Variants in SVEP1 observed in about 807,000 individuals in gnomAD.
The protein encoded by SVEP1 is sushi, von Willebrand factor type A, EGF and pentraxin domain containing 1, also known as sushi, von Willebrand factor type A, EGF and pentraxin domain-containing protein 1.
A neutral mutation model predicts 367.3 loss-of-function variants in SVEP1; 164 were observed. The observed-to-expected ratio is 0.45, with a 90% CI of 0.39 to 0.51. The LOEUF is 0.51. Among genes scored for constraint, SVEP1 ranks in the 20% least tolerant of loss-of-function variants. The pLI is 0.00. For synonymous variants in SVEP1, 1,666 were observed against 1,611.6 expected, an observed-to-expected ratio of 1.03 and a Z score of -0.81; for missense variants, 4,117 against 4,425.3, an observed-to-expected ratio of 0.93 and a Z score of 1.98.
At position 110,476,864 on chromosome 9, in the gene SVEP1, G is replaced by A. The variant is rs555844510; in HGVS notation, c.2488-549C>T. Among the ~76,000 whole-genome samples the A allele has an allele frequency of 7.6e-4, 116 of 152,190 alleles. 1 individual carries two copies. Among genetic ancestry groups the A allele is most frequent in the African/African-American group, 2.6e-3 (110 of 41,546 alleles). On this transcript the variant is annotated intron_variant, in intron 13 of 47. Coordinates refer to ENST00000374469, the MANE Select transcript of SVEP1 (RefSeq NM_153366.4). Reference sequence around the variant, plus strand: ...TGGAGGAAGGTCCTTCTCACTCTTCGTTGCTGTTTCCAGATCAAACTCCCT... The same window carrying A: ...TGGAGGAAGGTCCTTCTCACTCTTCATTGCTGTTTCCAGATCAAACTCCCT...
At chr9:110,529,158 G>C (rs550126747) in intron 3 of SVEP1, among the ~76,000 whole-genome samples, 9 of 151,966 alleles carry the variant, frequency 5.9e-5, no homozygotes, top group Non-Finnish European at 1.0e-4. Context: ...GTATATTTTT[G>C]TCTGCTTTGC....
rs1477234401 is a variant in SVEP1 at position 110,407,754 on chromosome 9, G to A, written c.7846C>T (p.Pro2616Ser). ...PTCMPIDCGL[P>S]PHIDFGDCTK... ...CAGTCTCCAAAATCTATATGAGGAGGGAGGCCACAGTCTATTGGCATACAT... is the reference window on the plus strand; with the variant it reads ...CAGTCTCCAAAATCTATATGAGGAGAGAGGCCACAGTCTATTGGCATACAT... The change falls in exon 38 of 48, where the codon CCT becomes TCT. Residue 2616 changes from proline to serine, a missense_variant. By Grantham distance (74) the Pro-to-Ser change is moderately conservative. Coordinates refer to ENST00000374469, the MANE Select transcript of SVEP1 (RefSeq NM_153366.4). 6.2e-7 allele frequency: 1 copy of A among 1,613,980 alleles called. No homozygotes were observed. Among genetic ancestry groups the A allele is most frequent in the Non-Finnish European group, 8.5e-7 (1 of 1,179,892 alleles).
chr9:110,525,729 A>G (rs566644698), intron 3 of SVEP1, among the ~76,000 whole-genome samples: 3 of 152,224 alleles, frequency 2.0e-5, no homozygotes, highest in African/African-American at 4.8e-5. Flanking sequence ...CAGAAGAGCA[A>G]TCCAGAAACA....
chr9:110,465,588 G>A (rs887768485), intron 18 of SVEP1, among the ~76,000 whole-genome samples: 5 of 152,122 alleles, frequency 3.3e-5, no homozygotes, highest in African/African-American at 9.7e-5. Context: ...ACCATATCAC[G>A]AAGCCACATG....
At chr9:110,538,244 C>T (rs1256966088) in intron 3 of SVEP1, among the ~76,000 whole-genome samples, 1 of 152,010 alleles carries the variant, frequency 6.6e-6, no homozygotes, top group Non-Finnish European at 1.5e-5. Context: ...GTTACAAATT[C>T]TCCAGCTTAA....
intron 1 of SVEP1, 111 bp downstream of exon 1, chr9:110,578,902 G>A: frequency 5.0e-6 from 6 of 1,205,084 alleles, no homozygotes; most frequent in Non-Finnish European, 6.9e-6. Flanking sequence ...CGCTTGACTT[G>A]GGGTGGTTAT....
chr9:110,377,485 G>A, intron 44 of SVEP1, 119 bp from the exon 45 acceptor site: 2 of 832,930 alleles, frequency 2.4e-6, no homozygotes, highest in Middle Eastern at 2.4e-4. Context: ...CAGGAAGAGA[G>A]ACAAAAATCG....
At chr9:110,508,037 C>T (rs1303239519) in intron 5 of SVEP1, among the ~76,000 whole-genome samples, 1 of 152,184 alleles carries the variant, frequency 6.6e-6, no homozygotes, top group East Asian at 1.9e-4. Context: ...TTAAACATTT[C>T]ACTCAAGAAT....
chr9:110,489,521 G>T, intron 9 of SVEP1, 129 bp downstream of exon 9: 2 of 821,066 alleles, frequency 2.4e-6, no homozygotes, highest in Non-Finnish European at 3.8e-6. Flanking sequence ...CATGAGGACA[G>T]CATGGGAAAG....
intron 46 of SVEP1, 41 bp downstream of exon 46, chr9:110,375,327 G>T (rs1231153137): frequency 1.1e-5 from 16 of 1,508,210 alleles, no homozygotes; most frequent in Non-Finnish European, 1.4e-5. Flanking sequence ...GAGTTTCATG[G>T]GCCTGAGCCA....
At chr9:110,427,134 C>T (rs751464727) in intron 36 of SVEP1, among the ~76,000 whole-genome samples, 2 of 151,698 alleles carry the variant, frequency 1.3e-5, no homozygotes, top group African/African-American at 2.4e-5. Flanking sequence ...CCTGTCTCTA[C>T]TAAAAATACA....
intron 47 of SVEP1, among the ~76,000 whole-genome samples, chr9:110,368,483 T>C (rs1004619162): frequency 3.3e-5 from 5 of 152,200 alleles, no homozygotes; most frequent in African/African-American, 9.6e-5. Context: ...CTAGATCTTG[T>C]TTTCCTGATT....
chr9:110,519,232 T>C (rs1381401057), intron 3 of SVEP1, among the ~76,000 whole-genome samples: 2 of 152,238 alleles, frequency 1.3e-5, no homozygotes, highest in Non-Finnish European at 2.9e-5. Context: ...ATGCCTGGCA[T>C]GTTGTTGGCA....
chr9:110,472,154 C>G lies in SVEP1; in HGVS notation c.2764+5G>C. 1.2e-6 allele frequency: 2 copies of G among 1,608,490 alleles called. No homozygotes were observed. Among genetic ancestry groups the G allele is most frequent in the Non-Finnish European group, 1.7e-6 (2 of 1,178,408 alleles). On this transcript the variant is annotated splice_donor_5th_base_variant and intron_variant, in intron 15 of 47. Coordinates refer to ENST00000374469, the MANE Select transcript of SVEP1 (RefSeq NM_153366.4). ...TGCTTTTTCAAATAGACAGTTTATC[C>G]TTACCTGTGATGTTAAAAATTAACT...
At chr9:110,370,147 A>T (rs1588015966) in intron 46 of SVEP1, 131 bp from the exon 47 acceptor site, 1 of 760,956 alleles carries the variant, frequency 1.3e-6, no homozygotes, top group Non-Finnish European at 2.1e-6. Context: ...TACCGTTAGC[A>T]TTATCCATTT....
chr9:110,497,070 G>A, intron 7 of SVEP1, 137 bp from the exon 8 acceptor site: 1 of 541,758 alleles, frequency 1.8e-6, no homozygotes, highest in Non-Finnish European at 3.2e-6. Context: ...TTCGGAATCT[G>A]CACCCACCTG....
chr9:110,564,566 T>C (rs1289236841), intron 1 of SVEP1, among the ~76,000 whole-genome samples: 1 of 152,180 alleles, frequency 6.6e-6, no homozygotes, highest in Non-Finnish European at 1.5e-5. Flanking sequence ...GTACTTTCTT[T>C]GTTATAGTTA....
chr9:110,491,590 G>GGT (rs55905097), intron 8 of SVEP1, among the ~76,000 whole-genome samples: 37,935 of 147,576 alleles, frequency 0.26, 5,345 homozygotes, highest in South Asian at 0.36. Flanking sequence ...TATAGAATGG[G>GGT]GTGTGTGTGT....
intron 40 of SVEP1, among the ~76,000 whole-genome samples, chr9:110,392,625 C>T (rs1241522953): frequency 2.0e-5 from 3 of 152,116 alleles, no homozygotes; most frequent in African/African-American, 7.2e-5. Flanking sequence ...CCCTCATCTA[C>T]TGTTTGGTTA....
Sources: allele counts gnomAD v4.1 joint callset (sites outside exome capture counted in the v4.1 genomes callset), GRCh38; gene constraint gnomAD v4.1.1; transcripts MANE v1.5; gene names NCBI Gene and HGNC (gene_info 2026-07-23, HGNC 2026-07-21).